The following TNIK variants were observed in gnomAD, a reference collection of about 807,000 sequenced individuals.
TNIK encodes the protein TRAF2 and NCK interacting kinase.
TNIK carries 49 observed loss-of-function variants against 191.3 expected under a neutral mutation model. The observed-to-expected ratio is 0.26, with a 90% CI of 0.20 to 0.32. The LOEUF (loss-of-function observed/expected upper bound fraction) is 0.32, where lower values mean the gene tolerates loss of function less well. Among genes scored for constraint, TNIK ranks in the 10% least tolerant of loss-of-function variants. TNIK has a pLI of 1.00. For missense variants in TNIK, 1,155 were observed against 1,702.3 expected (o/e 0.68, Z 5.66); for synonymous variants, 594 against 600.9 (o/e 0.99, Z 0.17).
chr3:171,108,312 G>A (rs1725287529), intron 19 of TNIK, 150 bp from the exon 20 acceptor site: 2 of 574,828 alleles, frequency 3.5e-6, no homozygotes, highest in East Asian at 6.3e-5. Context: ...AAACATCCAT[G>A]AAAAATATAA....
intron 2 of TNIK, among the ~76,000 whole-genome samples, chr3:171,245,277 T>C (rs1745465704): frequency 6.6e-6 from 1 of 152,158 alleles, no homozygotes; most frequent in Non-Finnish European, 1.5e-5. Flanking sequence ...AGTTAGAGAA[T>C]TTAGAGAATG....
intron 2 of TNIK, among the ~76,000 whole-genome samples, chr3:171,326,973 C>T (rs1560432237): frequency 1.3e-5 from 2 of 152,202 alleles, no homozygotes; most frequent in Admixed American, 6.5e-5. Flanking sequence ...CCTACTCTGC[C>T]CCTGAAAACC....
In TNIK at chr3:171,246,767, C is replaced by T. The variant is rs183160501; in HGVS notation, c.124-18546G>A. On this transcript the variant is annotated intron_variant, in intron 2 of 32. Transcript: ENST00000436636. ...CAAAATGGAGTTTTCAGAAGGCAGG[C>T]GGTGACTTCAGTCTAGGACATACAA... Among the ~76,000 whole-genome samples, 43 of 152,286 alleles carry T rather than the reference C, an allele frequency of 2.8e-4. 1 individual carries two copies. Among genetic ancestry groups the T allele is most frequent in the Admixed American group, 2.2e-3 (33 of 15,308 alleles).
At chr3:171,296,708 G>A (rs1752322606) in intron 2 of TNIK, among the ~76,000 whole-genome samples, 1 of 152,164 alleles carries the variant, frequency 6.6e-6, no homozygotes, top group Admixed American at 6.5e-5. Context: ...GATAATTATT[G>A]AAGATAAGTA....
Position 171,211,173 on chromosome 3 carries a change from A to G in TNIK, c.249T>C (p.Ala83=). Residue 83 remains alanine, a synonymous_variant, in exon 4 of 33, where the codon GCT becomes GCC. Transcript: ENST00000436636. The stretch of plus-strand genomic sequence containing the variant: ...TTTTGATAAAAGCACCATAGTATGT[A>G]GCAATATTCCGGTGATGAGAATATT... ...LKKYSHHRNI[A]TYYGAFIKKN... 1 of 1,613,204 alleles carries G rather than the reference A, an allele frequency of 6.2e-7. No homozygotes were observed. The highest frequency in any genetic ancestry group is 8.5e-7 in the Non-Finnish European group (1 of 1,179,532).
Position 171,120,477 on chromosome 3 carries a change from T to C in TNIK, c.2120+3119A>G, listed in dbSNP as rs6809126. Among the ~76,000 whole-genome samples the C allele has an allele frequency of 1.8e-3, 272 of 152,118 alleles. 3 individuals carry two copies. The highest frequency in any genetic ancestry group is 6.8e-3 in the Middle Eastern group (2 of 294). On this transcript the variant is annotated intron_variant, in intron 18 of 32. Transcript: ENST00000436636. ...CTGGGACTACAGGCGCCTGCCACCA[T>C]GCTCGACTAATTTTTGTATTTTTAG...
chr3:171,104,682 T>G (rs1053159624), intron 21 of TNIK, among the ~76,000 whole-genome samples: 2 of 152,178 alleles, frequency 1.3e-5, no homozygotes, highest in Admixed American at 1.3e-4. Flanking sequence ...AGTTCAATTT[T>G]TGAACTATTG....
At chr3:171,071,531 G>A (rs1022744054) in intron 28 of TNIK, 23 of 514,022 alleles carry the variant, frequency 4.5e-5, no homozygotes, top group South Asian at 1.3e-4. Flanking sequence ...AATACTTATG[G>A]CTTTTGCTTT....
intron 2 of TNIK, among the ~76,000 whole-genome samples, chr3:171,245,980 C>G (rs1745541305): frequency 6.6e-6 from 1 of 152,032 alleles, no homozygotes; most frequent in South Asian, 2.1e-4. Context: ...GAAGTAGATG[C>G]TTGTGTAGGG....
chr3:171,309,944 A>G (rs1753842742), intron 2 of TNIK, among the ~76,000 whole-genome samples: 1 of 152,094 alleles, frequency 6.6e-6, no homozygotes, highest in African/African-American at 2.4e-5. Context: ...ACCATCTGCT[A>G]TTCTTCCTCT....
intron 2 of TNIK, among the ~76,000 whole-genome samples, chr3:171,264,103 CACACACACATAT>C (rs1203976324): frequency 2.3e-3 from 173 of 76,380 alleles, no homozygotes; most frequent in African/African-American, 0.011. Flanking sequence ...CACACACACA[CACACACACATAT>C]ATATATATAT....
intron 21 of TNIK, among the ~76,000 whole-genome samples, chr3:171,103,117 TAGAATATGGAAGCTGCTAAA>T (rs1723877015): frequency 6.6e-6 from 1 of 152,148 alleles, no homozygotes; most frequent in African/African-American, 2.4e-5. Context: ...TTGAAACCCT[TAGAATATGGAAGCTGCTAAA>T]AATTCAACCT....
intron 5 of TNIK, among the ~76,000 whole-genome samples, chr3:171,194,170 C>T (rs1168432285): frequency 6.6e-6 from 1 of 152,128 alleles, no homozygotes; most frequent in Non-Finnish European, 1.5e-5. Context: ...ATTAAAATAT[C>T]TCATAAAATA....
intron 1 of TNIK, among the ~76,000 whole-genome samples, chr3:171,377,158 G>A (rs1717378141): frequency 1.3e-5 from 2 of 152,122 alleles, no homozygotes; most frequent in Non-Finnish European, 2.9e-5. Context: ...GCTAGTGTTG[G>A]TATCCTCTTA....
chr3:171,243,241 C>A (rs1481384706), intron 2 of TNIK, among the ~76,000 whole-genome samples: 1 of 152,054 alleles, frequency 6.6e-6, no homozygotes, highest in African/African-American at 2.4e-5. Context: ...CACAACATAT[C>A]ATAAATACAT....
chr3:171,140,926 T>C (rs540597486), intron 12 of TNIK, among the ~76,000 whole-genome samples: 1 of 152,324 alleles, frequency 6.6e-6, no homozygotes, highest in South Asian at 2.1e-4. Flanking sequence ...ATTTCATAGA[T>C]ATGTAAAAAT....
At chr3:171,406,226 T>G (rs1247169415) in intron 1 of TNIK, among the ~76,000 whole-genome samples, 1 of 152,070 alleles carries the variant, frequency 6.6e-6, no homozygotes, top group Non-Finnish European at 1.5e-5. Context: ...CCAGCACACA[T>G]TCCGTAATCT....
At chr3:171,104,942 C>A (rs577006788) in intron 21 of TNIK, among the ~76,000 whole-genome samples, 2 of 151,988 alleles carry the variant, frequency 1.3e-5, no homozygotes, top group African/African-American at 4.8e-5. Flanking sequence ...CTTTGTGTCA[C>A]ATATTTAATT....
chr3:171,246,586 C>A (rs978863458), intron 2 of TNIK, among the ~76,000 whole-genome samples: 1 of 152,122 alleles, frequency 6.6e-6, no homozygotes, highest in Non-Finnish European at 1.5e-5. Context: ...TCTCATTTGA[C>A]TTCTGCATTT....
Sources: allele counts gnomAD v4.1 joint callset (sites outside exome capture counted in the v4.1 genomes callset), GRCh38; gene constraint gnomAD v4.1.1; transcripts MANE v1.5; gene names NCBI Gene and HGNC (gene_info 2026-07-23, HGNC 2026-07-21).